The following RUNX1 variants were observed in gnomAD, a reference collection of about 807,000 sequenced individuals.
RUNX1 encodes the protein RUNX family transcription factor 1.
In RUNX1, 19 loss-of-function variants were observed where a neutral mutation model predicts 42.8. That is an observed-to-expected ratio of 0.44 (90% CI 0.31 to 0.65). The LOEUF (loss-of-function observed/expected upper bound fraction) is 0.65, where lower values mean the gene tolerates loss of function less well. Among genes scored for constraint, RUNX1 ranks in the 30% least tolerant of loss-of-function variants. The pLI, the probability that RUNX1 is intolerant of heterozygous loss-of-function variation, is 0.07. For missense variants in RUNX1, 528 were observed against 672.0 expected (o/e 0.79, Z 2.37); for synonymous variants, 271 against 289.4 (o/e 0.94, Z 0.64).
At position 34,889,641 on chromosome 21, in the gene RUNX1, C is replaced by T. The variant is rs891788937; in HGVS notation, c.98-2545G>A. On this transcript the variant is annotated intron_variant, in intron 3 of 8. Coordinates refer to ENST00000675419, the MANE Select transcript of RUNX1 (RefSeq NM_001754.5). ...AGCGGCCCCCGCTCCTCTCCCCGCC[C>T]CCGTGCGCTCGAGCGGCCCCAGGTG... The T allele has an allele frequency of 2.3e-5, 26 of 1,107,304 alleles. No individual in the cohort carries two copies. The African/African-American group carries it at 2.7e-4, about 12-fold the overall frequency. 68.6% of individuals were successfully genotyped at this position (1,107,304 alleles called of 1,614,324 possible). A position where few individuals can be genotyped will look rare whatever the true frequency, so the allele number is the denominator to read the frequency against.
intron 2 of RUNX1, among the ~76,000 whole-genome samples, chr21:35,007,060 A>G (rs1243050558): frequency 1.3e-5 from 2 of 152,246 alleles, no homozygotes; most frequent in Non-Finnish European, 2.9e-5. Flanking sequence ...AGACAGCTCG[A>G]AAGTGTAACC....
intron 6 of RUNX1, among the ~76,000 whole-genome samples, chr21:34,846,194 CTTTTTTT>C (rs5843687): frequency 1.2e-4 from 12 of 102,266 alleles, no homozygotes; most frequent in African/African-American, 1.8e-4. Flanking sequence ...TTAAGGATGT[CTTTTTTT>C]TTTTTTTTTT....
chr21:35,044,738 C>T (rs1288429999), intron 2 of RUNX1, among the ~76,000 whole-genome samples: 2 of 152,188 alleles, frequency 1.3e-5, no homozygotes, highest in African/African-American at 2.4e-5. Context: ...GCTGTGCAGC[C>T]GTCCTCTGTC....
intron 2 of RUNX1, among the ~76,000 whole-genome samples, chr21:35,026,105 C>G (rs555197826): frequency 6.6e-6 from 1 of 152,326 alleles, no homozygotes; most frequent in East Asian, 1.9e-4. Flanking sequence ...TTCTGTGACT[C>G]AAGATGTCCT....
chr21:34,918,590 T>C (rs183380260), intron 2 of RUNX1, among the ~76,000 whole-genome samples: 6 of 152,276 alleles, frequency 3.9e-5, no homozygotes, highest in Admixed American at 3.9e-4. Flanking sequence ...TGTAAATCTT[T>C]CACAAATTTA....
intron 4 of RUNX1, among the ~76,000 whole-genome samples, chr21:34,882,619 A>G (rs986825886): frequency 2.6e-5 from 4 of 151,688 alleles, no homozygotes; most frequent in Middle Eastern, 6.5e-3. Flanking sequence ...GTGATACGAC[A>G]ATTCCCTTTT....
At chr21:34,881,232 C>G (rs987159465) in intron 4 of RUNX1, among the ~76,000 whole-genome samples, 1 of 152,136 alleles carries the variant, frequency 6.6e-6, no homozygotes, top group Non-Finnish European at 1.5e-5. Context: ...CAGACCTCCA[C>G]TAACAGGCTG....
At chr21:34,820,425 G>A (rs1168895112) in intron 7 of RUNX1, among the ~76,000 whole-genome samples, 1 of 152,022 alleles carries the variant, frequency 6.6e-6, no homozygotes. Context: ...CGAGGCGGGC[G>A]GATCACCTGT....
Position 34,791,501 on chromosome 21 carries a change from T to A in RUNX1, c.*634A>T, listed in dbSNP as rs1347926397. 1 of 231,962 alleles carries A rather than the reference T, an allele frequency of 4.3e-6. No individual in the cohort carries two copies. Among genetic ancestry groups the A allele is most frequent in the Non-Finnish European group, 8.5e-6 (1 of 117,260 alleles). The allele number at this position is 231,962 out of a possible 1,614,324, so 14.4% of individuals were successfully genotyped here. A position where few individuals can be genotyped will look rare whatever the true frequency, so the allele number is the denominator to read the frequency against. On this transcript the variant is annotated 3_prime_UTR_variant, in exon 9 of 9. Coordinates refer to ENST00000675419, the MANE Select transcript of RUNX1 (RefSeq NM_001754.5). ...TCCAAAAGAAAAGTTAAATAAAACT[T>A]AAAGAAAAGGGAATCATATTTCTTT... is the stretch of plus-strand genomic sequence containing the variant.
chr21:34,948,195 T>G (rs1486659780), intron 2 of RUNX1, among the ~76,000 whole-genome samples: 1 of 151,746 alleles, frequency 6.6e-6, no homozygotes, highest in East Asian at 1.9e-4. Flanking sequence ...TTCATATAAA[T>G]TAAAAAGCCA....
In RUNX1 at chr21:34,960,568, G is replaced by A. The variant is rs1464203459; in HGVS notation, c.59-67605C>T. On this transcript the variant is annotated intron_variant, in intron 2 of 8. Coordinates refer to ENST00000675419, the MANE Select transcript of RUNX1 (RefSeq NM_001754.5). ...TATAAATGTAAACCAGTAAGCTGAGGCTTTCATGGATAGAATCAATCAAAG... is the reference window on the plus strand; with the variant it reads ...TATAAATGTAAACCAGTAAGCTGAGACTTTCATGGATAGAATCAATCAAAG... 5.3e-5 allele frequency among the ~76,000 whole-genome samples: 8 copies of A among 152,180 alleles called. No individual in the cohort carries two copies. In the South Asian group the frequency reaches 1.2e-3, roughly 24 times the overall value.
chr21:35,017,090 C>G (rs1364266749), intron 2 of RUNX1, among the ~76,000 whole-genome samples: 2 of 152,086 alleles, frequency 1.3e-5, no homozygotes, highest in Non-Finnish European at 2.9e-5. Context: ...GCTGGGCTCA[C>G]TTGTGATTTA....
chr21:34,932,731 G>A (rs28610975), intron 2 of RUNX1, among the ~76,000 whole-genome samples: 26,949 of 151,996 alleles, frequency 0.18, 5,006 homozygotes, highest in African/African-American at 0.48. Context: ...ACCCCTGTTT[G>A]TTTCCCCACA....
chr21:35,014,924 T>G (rs544926019), intron 2 of RUNX1, among the ~76,000 whole-genome samples: 21 of 152,364 alleles, frequency 1.4e-4, no homozygotes, highest in Non-Finnish European at 2.2e-4. Context: ...CTTCCCTCCC[T>G]GGGTTTCCCA....
intron 5 of RUNX1, among the ~76,000 whole-genome samples, chr21:34,869,615 G>A (rs1234141017): frequency 6.6e-6 from 1 of 152,164 alleles, no homozygotes; most frequent in Non-Finnish European, 1.5e-5. Context: ...TTTATACGTG[G>A]CCAAAAGAGA....
At chr21:34,980,213 T>G (rs2058837190) in intron 2 of RUNX1, among the ~76,000 whole-genome samples, 1 of 152,170 alleles carries the variant, frequency 6.6e-6, no homozygotes, top group Non-Finnish European at 1.5e-5. Flanking sequence ...GTGGACGAAG[T>G]TCTCTGGAAC....
At chr21:34,838,344 A>G (rs1280632914) in intron 6 of RUNX1, among the ~76,000 whole-genome samples, 4 of 152,212 alleles carry the variant, frequency 2.6e-5, no homozygotes, top group Non-Finnish European at 5.9e-5. Context: ...AGTCAACAAC[A>G]TATTAGTCTA....
At chr21:35,039,019 G>T (rs1475874665) in intron 2 of RUNX1, among the ~76,000 whole-genome samples, 1 of 152,196 alleles carries the variant, frequency 6.6e-6, no homozygotes. Flanking sequence ...ACATCCAAAT[G>T]ACAGCAGGGG....
rs746204122 is a variant in RUNX1 at position 34,859,454 on chromosome 21, C to A, written c.613+20G>T. 1 of 1,540,880 alleles carries A rather than the reference C, an allele frequency of 6.5e-7. No homozygotes were observed. The highest frequency in any genetic ancestry group is 1.7e-5 in the Admixed American group (1 of 59,928). On this transcript the variant is annotated intron_variant, in intron 6 of 8. Coordinates refer to ENST00000675419, the MANE Select transcript of RUNX1 (RefSeq NM_001754.5). ...TGTACCAGCCTGGAGGGTGTACCAGCCCCAAGTGGATGCACTTACTTCGAG... is the reference window on the plus strand; with the variant it reads ...TGTACCAGCCTGGAGGGTGTACCAGACCCAAGTGGATGCACTTACTTCGAG...
Sources: allele counts gnomAD v4.1 joint callset (sites outside exome capture counted in the v4.1 genomes callset), GRCh38; gene constraint gnomAD v4.1.1; transcripts MANE v1.5; gene names NCBI Gene and HGNC (gene_info 2026-07-23, HGNC 2026-07-21).